TTLL13: variants seen among roughly 807,000 people sequenced by gnomAD.
TTLL13 encodes tubulin polyglutamylase TTLL13.
At chr15:90,261,500 G>A in the TTLL13 span, among the ~76,000 whole-genome samples, 8 of 151,294 alleles carry the variant, frequency 5.3e-5, no homozygotes, top group Admixed American at 5.3e-4. Context: ...CTCCACTTAA[G>A]ATGAAAATCA....
chr15:90,250,773 T>TA, the TTLL13 span: 19 of 1,613,966 alleles, frequency 1.2e-5, no homozygotes, highest in East Asian at 2.2e-5. Context: ...TATAAGGCAT[T>TA]AAAAAATGGG....
chr15:90,251,135 A>C, the TTLL13 span, among the ~76,000 whole-genome samples: 1 of 43,828 alleles, frequency 2.3e-5, no homozygotes, highest in African/African-American at 1.0e-4. Flanking sequence ...TTTTTTTGAG[A>C]CAGAGTCTCG....
chr15:90,253,265 A>T, the TTLL13 span: 10 of 1,613,710 alleles, frequency 6.2e-6, no homozygotes, highest in Admixed American at 8.3e-5. Context: ...GGGCAGCCCA[A>T]ATGTGTGGCC....
the TTLL13 span, chr15:90,250,607 C>A: frequency 4.4e-6 from 7 of 1,606,362 alleles, no homozygotes; most frequent in Non-Finnish European, 6.0e-6. Context: ...ATTCCCACCC[C>A]GCAACCCCTC....
At chr15:90,263,085 G>A in the TTLL13 span, 1 of 1,536,134 alleles carries the variant, frequency 6.5e-7, no homozygotes, top group Non-Finnish European at 8.7e-7. Flanking sequence ...GTATTGTAGA[G>A]CAGCTCACCC....
the TTLL13 span, among the ~76,000 whole-genome samples, chr15:90,254,690 A>C: frequency 6.6e-6 from 1 of 151,720 alleles, no homozygotes; most frequent in Non-Finnish European, 1.5e-5. Flanking sequence ...TACAAAAATA[A>C]AAAAATATTA....
the TTLL13 span, chr15:90,263,658 A>G: frequency 1.7e-6 from 1 of 604,830 alleles, no homozygotes; most frequent in South Asian, 2.0e-5. Flanking sequence ...CCTAGAAGAG[A>G]TTTTTTTCAG....
the TTLL13 span, chr15:90,263,206 T>C: frequency 1.4e-6 from 2 of 1,419,564 alleles, no homozygotes; most frequent in Non-Finnish European, 1.9e-6. Context: ...TTCCAGGACA[T>C]GGTGTTGGTC....
chr15:90,263,955 CT>C, the TTLL13 span: 1 of 1,535,486 alleles, frequency 6.5e-7, no homozygotes. Context: ...AGCCCAAGAA[CT>C]TCAACTGGAC....
the TTLL13 span, chr15:90,265,406 G>A: frequency 7.9e-7 from 1 of 1,267,650 alleles, no homozygotes; most frequent in Non-Finnish European, 1.0e-6. Context: ...GGCAGGCCTG[G>A]GCAGCCGCTG....
chr15:90,262,986 C>T, the TTLL13 span: 1 of 1,535,898 alleles, frequency 6.5e-7, no homozygotes. Context: ...GACAGCTGGA[C>T]ACCATGAGGC....
At chr15:90,250,091 G>A in the TTLL13 span, among the ~76,000 whole-genome samples, 5 of 151,638 alleles carry the variant, frequency 3.3e-5, no homozygotes, top group African/African-American at 1.2e-4. Flanking sequence ...CCGAGTAGCT[G>A]GGATTACAGG....
chr15:90,263,934 G>T, the TTLL13 span: 1 of 1,512,146 alleles, frequency 6.6e-7, no homozygotes, highest in South Asian at 1.2e-5. Context: ...ATGTTCCCCG[G>T]TACCATCTGC....
At chr15:90,250,261 C>T in the TTLL13 span, among the ~76,000 whole-genome samples, 5 of 152,208 alleles carry the variant, frequency 3.3e-5, no homozygotes, top group South Asian at 8.3e-4. Context: ...GCGAAGGTCC[C>T]CCCAGCACTC....
the TTLL13 span, among the ~76,000 whole-genome samples, chr15:90,256,593 C>CTT: frequency 7.7e-5 from 3 of 39,056 alleles, no homozygotes; most frequent in African/African-American, 1.0e-4. Flanking sequence ...TTCTTTCTTT[C>CTT]TTTCTTTCTT....
At chr15:90,256,577 C>CTTTCTTTCT in the TTLL13 span, among the ~76,000 whole-genome samples, 13 of 56,854 alleles carry the variant, frequency 2.3e-4, no homozygotes, top group African/African-American at 2.6e-4. Context: ...TTCTTTCTTT[C>CTTTCTTTCT]TTTCTTTCTT....
chr15:90,256,172 C>T, the TTLL13 span: 12 of 1,614,028 alleles, frequency 7.4e-6, no homozygotes, highest in South Asian at 2.2e-5. Flanking sequence ...CGGTCGTCAG[C>T]GAAAAGCCCG....
At chr15:90,256,265 G>C in the TTLL13 span, 2 of 1,614,208 alleles carry the variant, frequency 1.2e-6, no homozygotes, top group Admixed American at 3.3e-5. Context: ...CAAGCCAGGA[G>C]AGCATATGAT....
chr15:90,256,245 C>T, the TTLL13 span: 1 of 1,614,138 alleles, frequency 6.2e-7, no homozygotes, highest in Non-Finnish European at 8.5e-7. Flanking sequence ...ACCCGAAATC[C>T]CCGGGAGATC....
Sources: gnomAD v4.1 joint callset for allele counts (sites outside exome capture counted in the v4.1 genomes callset) on GRCh38, gnomAD v4.1.1 for gene constraint, MANE v1.5 for transcripts, NCBI Gene and HGNC (gene_info 2026-07-23, HGNC 2026-07-21) for gene names.